ADAMTS14: variants seen among roughly 807,000 people sequenced by gnomAD.
ADAMTS14 encodes the protein A disintegrin and metalloproteinase with thrombospondin motifs 14.
ADAMTS14 carries 100 observed loss-of-function variants against 128.6 expected under a neutral mutation model. The ratio of observed to expected loss-of-function variants is 0.78; its 90% CI spans 0.66 to 0.92. The LOEUF is 0.92. Ranked by LOEUF, ADAMTS14 falls within the 40% of genes least tolerant of loss-of-function variation. The pLI, the probability that ADAMTS14 is intolerant of heterozygous loss-of-function variation, is 0.00. For synonymous variants in ADAMTS14, 665 were observed against 653.8 expected (o/e 1.02, Z -0.26); for missense variants, 1,562 against 1,658.6 (o/e 0.94, Z 1.01).
intron 4 of ADAMTS14, among the ~76,000 whole-genome samples, chr10:70,719,310 G>C (rs551926681): frequency 7.9e-5 from 12 of 152,044 alleles, no homozygotes; most frequent in African/African-American, 2.4e-4. Context: ...CCTGCAAAGA[G>C]AGTTTTATGG....
In ADAMTS14 at chr10:70,743,656, G is replaced by T. The variant is rs1842076837; in HGVS notation, c.2033G>T (p.Ser678Ile). 2 of 1,605,000 alleles carry T rather than the reference G, an allele frequency of 1.2e-6. No homozygotes were observed. The change falls in exon 13 of 22, where the codon AGC becomes ATC. Residue 678 changes from serine to isoleucine, a missense_variant. Transcript: ENST00000373207. ...CGCTGCAGCTACCGGGACCCATACA[G>T]CGTCTGTGCGCGTGGCGAGTGTGTG... ...GTRCSYRDPY[S>I]VCARGECVPV...
chr10:70,735,147 C>T (rs1841784459), intron 8 of ADAMTS14, 22 bp from the exon 9 acceptor site: 2 of 1,602,180 alleles, frequency 1.2e-6, no homozygotes, highest in East Asian at 2.2e-5. Context: ...GCCTGGCTCA[C>T]CTTCCTTGTC....
At chr10:70,758,737 T>A (rs1405005881) in intron 21 of ADAMTS14, among the ~76,000 whole-genome samples, 2 of 152,212 alleles carry the variant, frequency 1.3e-5, no homozygotes, top group Non-Finnish European at 2.9e-5. Context: ...TTCATAGGGC[T>A]GGTGAGATAA....
chr10:70,727,491 G>T (rs1841477247), intron 4 of ADAMTS14, among the ~76,000 whole-genome samples: 1 of 152,216 alleles, frequency 6.6e-6, no homozygotes, highest in Admixed American at 6.5e-5. Context: ...TGGGCAGGAG[G>T]CAGAGGCTGG....
chr10:70,719,367 TACACACACACAC>T (rs61607600), intron 4 of ADAMTS14, among the ~76,000 whole-genome samples: 25,422 of 142,108 alleles, frequency 0.18, 2,431 homozygotes, highest in Non-Finnish European at 0.22. Context: ...ACTCCACAAA[TACACACACACAC>T]ACACACACAC....
chr10:70,738,848 T>G lies in ADAMTS14; in HGVS notation c.1606T>G (p.Phe536Val), dbSNP rs1300629299. ...GTECAPGKWCFKGHCIWKSPE... is the reference protein window; with the variant it reads ...GTECAPGKWCVKGHCIWKSPE... ...GCCCTCTGCTCTGCCCCAGTGGTGC[T>G]TCAAAGGTCACTGCATCTGGAAGTC... The change falls in exon 11 of 22, where the codon TTC (phenylalanine) becomes GTC (valine). Residue 536 changes from phenylalanine (F) to valine (V), a missense_variant. Transcript: ENST00000373207. The G allele has an allele frequency of 1.9e-6, 3 of 1,613,912 alleles. No individual in the cohort carries two copies. In the African/African-American group the frequency reaches 4.0e-5, roughly 22 times the overall value.
rs749339722 is a variant in ADAMTS14, at chr10:70,751,496, G to C, written c.2446G>C (p.Gly816Arg). Reference protein sequence around the residue: ...IAILALPPTEGGPRSSLAYKY... With the variant: ...IAILALPPTERGPRSSLAYKY... Reference sequence around the variant, plus strand: ...CCCTCAGGCTCTCCCCCCAACTGAGGGTGGCCCCCGCAGCAGCCTGGCCTA... The same window carrying C: ...CCCTCAGGCTCTCCCCCCAACTGAGCGTGGCCCCCGCAGCAGCCTGGCCTA... Residue 816 changes from glycine to arginine, a missense_variant, in exon 17 of 22, where the codon GGT becomes CGT. Transcript: ENST00000373207. 1.2e-6 allele frequency: 2 copies of C among 1,606,646 alleles called. No homozygotes were observed. The highest frequency in any genetic ancestry group is 1.7e-5 in the Admixed American group (1 of 59,908).
intron 2 of ADAMTS14, among the ~76,000 whole-genome samples, chr10:70,699,462 A>T (rs1840431024): frequency 6.6e-6 from 1 of 152,190 alleles, no homozygotes; most frequent in Admixed American, 6.5e-5. Context: ...AATCTGTTAC[A>T]TCTTGAGGGA....
rs1842263833 is a variant in ADAMTS14 at position 70,748,872 on chromosome 10, C to G, written c.2264-950C>G. 2.0e-5 allele frequency among the ~76,000 whole-genome samples: 3 copies of G among 152,326 alleles called. No individual in the cohort carries two copies. In the South Asian group the frequency reaches 6.2e-4, roughly 32 times the overall value. On this transcript the variant is annotated intron_variant, in intron 15 of 21. Coordinates refer to ENST00000373207, the MANE Select transcript of ADAMTS14 (RefSeq NM_080722.4). Reference sequence around the variant, plus strand: ...CTACTTGGCTAAGGTGCTTGGGTCTCAGGCTGCTGGGCCCTAGGAAGTCCA... The same window carrying G: ...CTACTTGGCTAAGGTGCTTGGGTCTGAGGCTGCTGGGCCCTAGGAAGTCCA...
At chr10:70,715,442 C>T (rs920958410) in intron 4 of ADAMTS14, among the ~76,000 whole-genome samples, 1 of 152,016 alleles carries the variant, frequency 6.6e-6, no homozygotes, top group African/African-American at 2.4e-5. Context: ...GTGCCCTCAG[C>T]GAGGCCCCTT....
At chr10:70,696,644 G>A (rs4747077) in intron 2 of ADAMTS14, among the ~76,000 whole-genome samples, 105,734 of 151,974 alleles carry the variant, frequency 0.7, 36,879 homozygotes, top group South Asian at 0.78. Flanking sequence ...TAGATGTCCA[G>A]GGTGGTGAGA....
In ADAMTS14 at chr10:70,702,328, C is replaced by A. The variant is rs145852829; in HGVS notation, c.539C>A (p.Thr180Lys). ...NCDGLAGLIRTDSTDFFIEPL... is the reference protein window; with the variant it reads ...NCDGLAGLIRKDSTDFFIEPL... ...CTGGTTCAGGCGGGCCTCATCCGCA[C>A]AGACAGCACCGACTTCTTCATTGAG... The change falls in exon 3 of 22, where the codon ACA (threonine) becomes AAA (lysine). Residue 180 changes from threonine (T) to lysine (K), a missense_variant. Physicochemically the swap from Thr to Lys is moderately conservative, Grantham distance 78 (BLOSUM62 -1). Transcript: ENST00000373207. 17 of 1,614,086 alleles carry A rather than the reference C, an allele frequency of 1.1e-5. No homozygotes were observed. In the African/African-American group the frequency reaches 2.0e-4, roughly 19 times the overall value.
intron 21 of ADAMTS14, among the ~76,000 whole-genome samples, chr10:70,759,345 C>T (rs1289717858): frequency 1.3e-5 from 2 of 152,046 alleles, no homozygotes; most frequent in Non-Finnish European, 2.9e-5. Context: ...CCCACTCTTC[C>T]CACCTCCCTC....
At position 70,691,145 on chromosome 10, in the gene ADAMTS14, C is replaced by T. The variant is rs535759472; in HGVS notation, c.523-11167C>T. Among the ~76,000 whole-genome samples the T allele has an allele frequency of 2.8e-5, 4 of 144,806 alleles. 1 individual carries two copies. Among genetic ancestry groups the T allele is most frequent in the Non-Finnish European group, 6.3e-5 (4 of 63,292 alleles). The allele number at this position is 144,806 out of a possible 152,430, so 95.0% of individuals were successfully genotyped here. A position where few individuals can be genotyped will look rare whatever the true frequency, so the allele number is the denominator to read the frequency against. ...TCCTGCCTCTGGGCCAGGACATCTGCCTGTTGGCGGGGAAGGGGAGTAGAA... is the reference window on the plus strand; with the variant it reads ...TCCTGCCTCTGGGCCAGGACATCTGTCTGTTGGCGGGGAAGGGGAGTAGAA... On this transcript the variant is annotated intron_variant, in intron 2 of 21. Coordinates refer to ENST00000373207, the MANE Select transcript of ADAMTS14 (RefSeq NM_080722.4).
intron 19 of ADAMTS14, among the ~76,000 whole-genome samples, chr10:70,757,299 C>A (rs1842499676): frequency 6.6e-6 from 1 of 152,170 alleles, no homozygotes; most frequent in Non-Finnish European, 1.5e-5. Flanking sequence ...TACCCGCACC[C>A]TGCTCCATCA....
intron 8 of ADAMTS14, among the ~76,000 whole-genome samples, chr10:70,734,577 A>G (rs1273289683): frequency 6.6e-6 from 1 of 152,176 alleles, no homozygotes; most frequent in African/African-American, 2.4e-5. Context: ...CCTTGGCCCC[A>G]GCAGCACACT....
intron 4 of ADAMTS14, among the ~76,000 whole-genome samples, chr10:70,726,227 A>G (rs1841422601): frequency 6.6e-6 from 1 of 152,192 alleles, no homozygotes; most frequent in Admixed American, 6.5e-5. Flanking sequence ...GTCCCACTGT[A>G]AGGACCTCTC....
intron 13 of ADAMTS14, 151 bp from the exon 14 acceptor site, chr10:70,743,915 C>G (rs2132714127): frequency 8.3e-7 from 1 of 1,204,180 alleles, no homozygotes; most frequent in Non-Finnish European, 1.1e-6. Flanking sequence ...TCACCCAGGT[C>G]CCACGGTGAA....
At chr10:70,737,502 C>A (rs1168241363) in intron 10 of ADAMTS14, among the ~76,000 whole-genome samples, 1 of 152,200 alleles carries the variant, frequency 6.6e-6, no homozygotes, top group East Asian at 1.9e-4. Flanking sequence ...AAGCCAGGTG[C>A]TAGGAGAGGT....
Sources: gnomAD v4.1 joint callset for allele counts (sites outside exome capture counted in the v4.1 genomes callset) on GRCh38, gnomAD v4.1.1 for gene constraint, MANE v1.5 for transcripts, NCBI Gene and HGNC (gene_info 2026-07-23, HGNC 2026-07-21) for gene names.